LDLRAP1: variants seen among roughly 807,000 people sequenced by gnomAD.
The protein encoded by LDLRAP1 is low density lipoprotein receptor adaptor protein 1, also known as low density lipoprotein receptor adapter protein 1.
In LDLRAP1, 30 loss-of-function variants were observed where a neutral mutation model predicts 37.8. The observed-to-expected ratio is 0.79, with a 90% CI of 0.59 to 1.08. The LOEUF (loss-of-function observed/expected upper bound fraction) is 1.08. LDLRAP1 is among the 50% of genes least tolerant of loss of function. LDLRAP1 has a pLI of 0.00. For missense variants in LDLRAP1, 375 were observed against 401.6 expected, an observed-to-expected ratio of 0.93 and a Z score of 0.57; for synonymous variants, 156 against 169.8, an observed-to-expected ratio of 0.92 and a Z score of 0.63.
the LDLRAP1 span, among the ~76,000 whole-genome samples, chr1:25,587,929 T>C: frequency 3.9e-5 from 6 of 152,184 alleles, no homozygotes; most frequent in African/African-American, 1.4e-4. Flanking sequence ...CATTTTGTTC[T>C]GTACTAAGAA....
chr1:25,564,196 A>G, intron 7 of LDLRAP1: 1 of 317,806 alleles, frequency 3.1e-6, no homozygotes, highest in Non-Finnish European at 6.1e-6. Context: ...TCAGGGACTC[A>G]GGGCAAGCCC....
chr1:25,557,184 G>A lies in LDLRAP1; in HGVS notation c.376G>A (p.Asp126Asn), dbSNP rs763971300. 3.4e-5 allele frequency: 55 copies of A among 1,614,048 alleles called. No homozygotes were observed. Among genetic ancestry groups the A allele is most frequent in the African/African-American group, 8.0e-5 (6 of 74,912 alleles). ...ISYCTADKMH[D>N]KVFAYIAQSQ... is the part of the protein sequence containing the mutation. ...CTATTGCACAGCAGACAAGATGCAC[G>A]ACAAGGTGTTTGCATACATCGCCCA... Residue 126 changes from aspartate to asparagine, a missense_variant, in exon 4 of 9, where the codon GAC becomes AAC. By Grantham distance (23) the Asp-to-Asn change is conservative. Coordinates refer to ENST00000374338, the MANE Select transcript of LDLRAP1 (RefSeq NM_015627.3).
chr1:25,578,363 T>C, the LDLRAP1 span, among the ~76,000 whole-genome samples: 1,782 of 152,298 alleles, frequency 0.012, 19 homozygotes, highest in Non-Finnish European at 0.016. Context: ...ACTGCTGATA[T>C]GCAGCTGGTG....
rs2044523729 is a variant in LDLRAP1 at position 25,567,800 on chromosome 1, T to G, written c.*808T>G. On this transcript the variant is annotated 3_prime_UTR_variant, in exon 9 of 9. Transcript: ENST00000374338. ...ACGGGGATCATCTCTGTGACCGCCC[T>G]CCGTCGGGCCCCTGCCTGCCTTCTC... 1 of 152,434 alleles carries G rather than the reference T, an allele frequency of 6.6e-6. No homozygotes were observed. The highest frequency in any genetic ancestry group is 6.5e-5 in the Admixed American group (1 of 15,290). The allele number at this position is 152,434 out of a possible 1,614,324, so 9.4% of individuals were successfully genotyped here.
rs2044221742 is a variant in LDLRAP1, at chr1:25,557,173, A to T, written c.365A>T (p.Asp122Val). 6.2e-7 allele frequency: 1 copy of T among 1,614,036 alleles called. No homozygotes were observed. The highest frequency in any genetic ancestry group is 8.5e-7 in the Non-Finnish European group (1 of 1,179,992). Residue 122 changes from aspartate to valine, a missense_variant, in exon 4 of 9, where the codon GAC becomes GTC. Transcript: ENST00000374338. ...TTCAGGATCTCCTATTGCACAGCAG[A>T]CAAGATGCACGACAAGGTGTTTGCA... ...SIYRISYCTADKMHDKVFAYI... is the reference protein window; with the variant it reads ...SIYRISYCTAVKMHDKVFAYI...
At chr1:25,576,963 T>C in the LDLRAP1 span, among the ~76,000 whole-genome samples, 1 of 152,154 alleles carries the variant, frequency 6.6e-6, no homozygotes, top group Non-Finnish European at 1.5e-5. Flanking sequence ...CTGTACCTGC[T>C]GTCTCTAAGA....
the LDLRAP1 span, among the ~76,000 whole-genome samples, chr1:25,578,003 C>T: frequency 1.3e-5 from 2 of 152,166 alleles, no homozygotes; most frequent in East Asian, 1.9e-4. Context: ...GGGCTGGGGA[C>T]GTAGCTCTGT....
the LDLRAP1 span, among the ~76,000 whole-genome samples, chr1:25,578,445 T>C: frequency 2.4e-4 from 37 of 152,126 alleles, no homozygotes; most frequent in African/African-American, 7.9e-4. Context: ...TACAGAGGCA[T>C]CATCACTAAC....
At chr1:25,585,093 G>C in the LDLRAP1 span, among the ~76,000 whole-genome samples, 1 of 152,190 alleles carries the variant, frequency 6.6e-6, no homozygotes. Flanking sequence ...GTGGGGTGTT[G>C]AGACTGAGGG....
At chr1:25,557,434 G>C (rs2044232611) in intron 4 of LDLRAP1, 167 bp downstream of exon 4, 1 of 621,914 alleles carries the variant, frequency 1.6e-6, no homozygotes, top group Non-Finnish European at 2.9e-6. Context: ...AAGGGGTACA[G>C]TGGTGGGGCT....
Position 25,543,794 on chromosome 1 carries a change from T to A in LDLRAP1, c.88+8T>A, listed in dbSNP as rs2043860268. Reference sequence around the variant, plus strand: ...GCGGTGGCCGGCACCGCAGTGAGTGTGCGCGCGTCAGCCGGGCCGGGCCGG... The same window carrying A: ...GCGGTGGCCGGCACCGCAGTGAGTGAGCGCGCGTCAGCCGGGCCGGGCCGG... On this transcript the variant is annotated splice_region_variant and intron_variant, in intron 1 of 8. Coordinates refer to ENST00000374338, the MANE Select transcript of LDLRAP1 (RefSeq NM_015627.3). 8.3e-6 allele frequency: 10 copies of A among 1,204,008 alleles called. No homozygotes were observed. The highest frequency in any genetic ancestry group is 1.0e-5 in the Non-Finnish European group (10 of 969,654). 74.6% of individuals were successfully genotyped at this position (1,204,008 alleles called of 1,614,324 possible). A position where few individuals can be genotyped will look rare whatever the true frequency, so the allele number is the denominator to read the frequency against.
At chr1:25,556,795 G>T (rs899856561) in intron 3 of LDLRAP1, among the ~76,000 whole-genome samples, 3 of 152,238 alleles carry the variant, frequency 2.0e-5, no homozygotes, top group African/African-American at 7.2e-5. Flanking sequence ...GTCTCAGAGG[G>T]TAGCTTTGAG....
chr1:25,572,279 C>T (rs2044615160), downstream of LDLRAP1, among the ~76,000 whole-genome samples: 2 of 152,186 alleles, frequency 1.3e-5, no homozygotes, highest in Non-Finnish European at 2.9e-5. Flanking sequence ...TGAGAAAGGG[C>T]AGCCCTGGCT....
chr1:25,550,457 A>G (rs1245242559), intron 1 of LDLRAP1, among the ~76,000 whole-genome samples: 1 of 152,222 alleles, frequency 6.6e-6, no homozygotes, highest in African/African-American at 2.4e-5. Context: ...AAGGGCATTT[A>G]GGATAGAGGG....
Position 25,566,892 on chromosome 1 carries a change from T to C in LDLRAP1, c.827T>C (p.Leu276Pro), listed in dbSNP as rs1469366267. Residue 276 changes from leucine (L) to proline (P), a missense_variant, in exon 9 of 9, where the codon CTG becomes CCG. Coordinates refer to ENST00000374338, the MANE Select transcript of LDLRAP1 (RefSeq NM_015627.3). ...RTNPQVLDTG[L>P]TAQDMHYAQC... ...AACCCTCAGGTCCTGGACACTGGCC[T>C]GACAGCCCAGGACATGCATTACGCC... The C allele has an allele frequency of 6.2e-7, 1 of 1,613,070 alleles. No homozygotes were observed. Among genetic ancestry groups the C allele is most frequent in the South Asian group, 1.1e-5 (1 of 90,874 alleles).
rs71638389 is a variant in LDLRAP1 at position 25,560,739 on chromosome 1, G to A, written c.460-1905G>A. On this transcript the variant is annotated intron_variant, in intron 4 of 8. Transcript: ENST00000374338. ...GAGCCATGAGCAGCCTGGTTCCTGG[G>A]AACAAGGAATGTGAAAAACTGGGCA... is the stretch of plus-strand genomic sequence containing the variant. Among the ~76,000 whole-genome samples the A allele has an allele frequency of 6.8e-3, 1,033 of 152,358 alleles. 5 individuals carry two copies. Among genetic ancestry groups the A allele is most frequent in the Middle Eastern group, 0.02 (6 of 294 alleles).
In LDLRAP1 at chr1:25,568,829, T is replaced by C. The variant is rs2044555220; in HGVS notation, c.*1837T>C. ...TGCAGACAAGTCTTGCTGTGCTTTA[T>C]TTGTGAAACTTTAATGAGGAAAAAA... On this transcript the variant is annotated 3_prime_UTR_variant, in exon 9 of 9. Coordinates refer to ENST00000374338, the MANE Select transcript of LDLRAP1 (RefSeq NM_015627.3). 1 of 152,266 alleles carries C rather than the reference T, an allele frequency of 6.6e-6. No homozygotes were observed. Among genetic ancestry groups the C allele is most frequent in the Non-Finnish European group, 1.5e-5 (1 of 68,058 alleles). 9.4% of individuals were successfully genotyped at this position (152,266 alleles called of 1,614,324 possible).
chr1:25,577,745 C>A, the LDLRAP1 span, among the ~76,000 whole-genome samples: 47 of 152,210 alleles, frequency 3.1e-4, no homozygotes, highest in African/African-American at 1.1e-3. Context: ...CCCGGCATCA[C>A]CGTGAGTTGG....
Position 25,567,125 on chromosome 1 carries a change from C to T in LDLRAP1, c.*133C>T. On this transcript the variant is annotated 3_prime_UTR_variant, in exon 9 of 9. Transcript: ENST00000374338. ...AGCATTGTCAGCCTGAAGATCAGAG[C>T]TGCAGCCAGTCAGGCAGGGGAGAGA... The T allele has an allele frequency of 8.9e-7, 1 of 1,128,504 alleles. No homozygotes were observed. The highest frequency in any genetic ancestry group is 2.5e-5 in the East Asian group (1 of 39,864). The allele number at this position is 1,128,504 out of a possible 1,614,324, so 69.9% of individuals were successfully genotyped here.
Sources: allele counts gnomAD v4.1 joint callset (sites outside exome capture counted in the v4.1 genomes callset), GRCh38; gene constraint gnomAD v4.1.1; transcripts MANE v1.5; gene names NCBI Gene and HGNC (gene_info 2026-07-23, HGNC 2026-07-21).